Variants in CTNNA2 observed in about 807,000 individuals in gnomAD.
CTNNA2 encodes catenin alpha 2, also known as catenin alpha-2.
Under a neutral mutation model 101.0 loss-of-function variants are expected in CTNNA2, and 42 were observed. The observed-to-expected ratio is 0.42, with a 90% CI of 0.32 to 0.54. The LOEUF (loss-of-function observed/expected upper bound fraction) is 0.54. Ranked by LOEUF, CTNNA2 falls within the 20% of genes least tolerant of loss-of-function variation. The pLI, the probability that CTNNA2 is intolerant of heterozygous loss-of-function variation, is 0.14. For missense variants in CTNNA2, 871 were observed against 1,223.1 expected (o/e 0.71, Z 4.29); for synonymous variants, 450 against 456.4 (o/e 0.99, Z 0.18).
In CTNNA2 at chr2:80,073,730, T is replaced by TCACACACACA. The variant is rs3067109; in HGVS notation, c.1056+163965_1056+163974dup. Among the ~76,000 whole-genome samples the TCACACACACA allele has an allele frequency of 6.2e-4, 81 of 130,502 alleles. 1 individual carries two copies. The highest frequency in any genetic ancestry group is 9.5e-4 in the Non-Finnish European group (58 of 61,368). 85.6% of individuals were successfully genotyped at this position (130,502 alleles called of 152,430 possible). A position where few individuals can be genotyped will look rare whatever the true frequency, so the allele number is the denominator to read the frequency against. On this transcript the variant is annotated intron_variant, in intron 7 of 18. Transcript: ENST00000402739. The stretch of plus-strand genomic sequence containing the variant: ...TAAAACAAACCTCTCTCTCTCTCTG[T>TCACACACACA]CACACACACACACACACACACACAC...
At chr2:80,454,130 C>T (rs1002528459) in intron 9 of CTNNA2, among the ~76,000 whole-genome samples, 3 of 152,080 alleles carry the variant, frequency 2.0e-5, no homozygotes, top group Non-Finnish European at 4.4e-5. Flanking sequence ...AAAGGCAAAG[C>T]GACATAGTTT....
chr2:79,303,680 C>T (rs144779226), intron 2 of CTNNA2, among the ~76,000 whole-genome samples: 2 of 152,058 alleles, frequency 1.3e-5, no homozygotes, highest in African/African-American at 2.4e-5. Context: ...TAGGTTCAGC[C>T]GTGTTGATGA....
chr2:79,702,362 A>ATGGC lies in CTNNA2; in HGVS notation c.103-42023_103-42020dup, dbSNP rs535828576. On this transcript the variant is annotated intron_variant, in intron 2 of 18. Transcript: ENST00000402739. ...TACCCACTTTATTTTCATGTTGTATATGGCTACTCTCATGCTACAATAGCA... is the reference window on the plus strand; with the variant it reads ...TACCCACTTTATTTTCATGTTGTATATGGCTGGCTACTCTCATGCTACAATAGCA... Among the ~76,000 whole-genome samples the ATGGC allele has an allele frequency of 2.5e-3, 387 of 152,268 alleles. 1 individual carries two copies. The highest frequency in any genetic ancestry group is 9.0e-3 in the African/African-American group (374 of 41,518).
intron 4 of CTNNA2, among the ~76,000 whole-genome samples, chr2:79,375,643 G>A (rs1388164474): frequency 6.6e-6 from 1 of 152,064 alleles, no homozygotes; most frequent in Admixed American, 6.6e-5. Context: ...AAAAATGAAT[G>A]ATATTAAAGA....
intron 7 of CTNNA2, among the ~76,000 whole-genome samples, chr2:80,078,610 A>G (rs1698916441): frequency 6.6e-6 from 1 of 152,192 alleles, no homozygotes; most frequent in African/African-American, 2.4e-5. Flanking sequence ...CCACTAACGT[A>G]ATCTAGTAGT....
chr2:79,936,574 C>A (rs1005878148), intron 7 of CTNNA2, among the ~76,000 whole-genome samples: 1 of 151,892 alleles, frequency 6.6e-6, no homozygotes, highest in Non-Finnish European at 1.5e-5. Flanking sequence ...ATCTTTCAAC[C>A]CACCTCAGTT....
At chr2:80,472,697 G>C (rs543786037) in intron 9 of CTNNA2, among the ~76,000 whole-genome samples, 10 of 152,202 alleles carry the variant, frequency 6.6e-5, no homozygotes, top group African/African-American at 2.4e-4. Flanking sequence ...GACCCAAGAA[G>C]GCCCATTTTT....
intron 7 of CTNNA2, among the ~76,000 whole-genome samples, chr2:79,950,716 A>G (rs1474385575): frequency 1.3e-5 from 2 of 152,250 alleles, no homozygotes; most frequent in African/African-American, 4.8e-5. Flanking sequence ...TAAAATAAAA[A>G]TAGTGTAGCA....
At chr2:79,550,970 A>G (rs1348239415) in intron 1 of CTNNA2, among the ~76,000 whole-genome samples, 1 of 152,226 alleles carries the variant, frequency 6.6e-6, no homozygotes, top group Non-Finnish European at 1.5e-5. Context: ...TAGAGGAATA[A>G]TGGAATCTGT....
At chr2:80,511,270 T>C (rs1263770751) in intron 9 of CTNNA2, among the ~76,000 whole-genome samples, 1 of 152,198 alleles carries the variant, frequency 6.6e-6, no homozygotes, top group Non-Finnish European at 1.5e-5. Context: ...TGGAAAGATA[T>C]TAGAGATATT....
chr2:80,559,607 G>C (rs1034956326), intron 12 of CTNNA2, among the ~76,000 whole-genome samples: 2 of 152,128 alleles, frequency 1.3e-5, no homozygotes, highest in Non-Finnish European at 2.9e-5. Flanking sequence ...AAGAATTATA[G>C]GGTAGCATTA....
intron 7 of CTNNA2, among the ~76,000 whole-genome samples, chr2:80,020,457 A>T (rs528355800): frequency 6.6e-6 from 1 of 152,320 alleles, no homozygotes; most frequent in East Asian, 1.9e-4. Flanking sequence ...CTCATTTTGC[A>T]AGTCCCAAAA....
intron 4 of CTNNA2, among the ~76,000 whole-genome samples, chr2:79,379,095 AATAG>A (rs1678011744): frequency 6.6e-6 from 1 of 152,196 alleles, no homozygotes; most frequent in African/African-American, 2.4e-5. Flanking sequence ...GATATATTTA[AATAG>A]ATAGGGATAA....
intron 9 of CTNNA2, 45 bp from the exon 10 acceptor site, chr2:80,544,937 C>T (rs368220883): frequency 3.9e-6 from 6 of 1,527,970 alleles, no homozygotes; most frequent in Non-Finnish European, 9.0e-7. Flanking sequence ...AGTATACTTT[C>T]CCTTTGCCCC....
At chr2:80,519,467 C>G (rs951969620) in intron 9 of CTNNA2, among the ~76,000 whole-genome samples, 1 of 152,108 alleles carries the variant, frequency 6.6e-6, no homozygotes, top group Non-Finnish European at 1.5e-5. Context: ...TTTGGATGCT[C>G]TCTACACCCC....
chr2:80,454,028 AAAAAAAG>A (rs1559123256), intron 9 of CTNNA2, among the ~76,000 whole-genome samples: 1 of 152,206 alleles, frequency 6.6e-6, no homozygotes, highest in Non-Finnish European at 1.5e-5. Flanking sequence ...AGAAAAAGAA[AAAAAAAG>A]AAAAGAATAA....
intron 7 of CTNNA2, among the ~76,000 whole-genome samples, chr2:80,009,143 G>T (rs533038957): frequency 1.6e-4 from 24 of 152,188 alleles, no homozygotes; most frequent in Admixed American, 2.6e-4. Flanking sequence ...ATGATCCAAA[G>T]CTTACCTGAG....
chr2:79,638,668 G>A (rs1443616540), intron 1 of CTNNA2, among the ~76,000 whole-genome samples: 2 of 152,166 alleles, frequency 1.3e-5, no homozygotes, highest in African/African-American at 2.4e-5. Context: ...AACTGCATGA[G>A]GCAGGTCTAT....
intron 4 of CTNNA2, among the ~76,000 whole-genome samples, chr2:79,464,036 C>A (rs1370279326): frequency 6.6e-6 from 1 of 151,410 alleles, no homozygotes; most frequent in African/African-American, 2.4e-5. Context: ...GCACAATATG[C>A]AGGTTGGTTA....
Sources: allele counts gnomAD v4.1 joint callset (sites outside exome capture counted in the v4.1 genomes callset), GRCh38; gene constraint gnomAD v4.1.1; transcripts MANE v1.5; gene names NCBI Gene and HGNC (gene_info 2026-07-23, HGNC 2026-07-21).